PARPBP: variants seen among roughly 807,000 people sequenced by gnomAD.
PARPBP encodes PCNA-interacting partner.
In PARPBP, 52 loss-of-function variants were observed where a neutral mutation model predicts 50.0. The observed-to-expected ratio is 1.04, with a 90% confidence interval of 0.83 to 1.31. The LOEUF (loss-of-function observed/expected upper bound fraction) is 1.31, where lower values mean the gene tolerates loss of function less well. Among genes scored for constraint, PARPBP ranks in the 50% most tolerant of loss-of-function variants. The pLI, the probability that PARPBP is intolerant of heterozygous loss-of-function variation, is 0.00. For synonymous variants in PARPBP, 244 were observed against 232.1 expected (o/e 1.05, Z -0.47); for missense variants, 697 against 672.0 (o/e 1.04, Z -0.41).
rs770540632 is a variant in PARPBP, at chr12:102,197,136, A to C, written c.*845A>C. 2 of 1,612,078 alleles carry C rather than the reference A, an allele frequency of 1.2e-6. No homozygotes were observed. The highest frequency in any genetic ancestry group is 1.7e-6 in the Non-Finnish European group (2 of 1,178,558). The stretch of plus-strand genomic sequence containing the variant: ...GTTTTATAGCCAGATTCAGTGGCAG[A>C]CCATGATTTAAGAAATTATGTTTGG... On this transcript the variant is annotated 3_prime_UTR_variant, in exon 11 of 11. Coordinates refer to ENST00000327680, the MANE Select transcript of PARPBP (RefSeq NM_017915.5).
intron 3 of PARPBP, chr12:102,151,970 G>A: frequency 1.7e-6 from 1 of 593,352 alleles, no homozygotes; most frequent in Non-Finnish European, 3.0e-6. Flanking sequence ...CTTTTTTTGT[G>A]TACCATGGTT....
chr12:102,157,948 G>A (rs1033202242), intron 4 of PARPBP, among the ~76,000 whole-genome samples: 1 of 151,530 alleles, frequency 6.6e-6, no homozygotes, highest in African/African-American at 2.4e-5. Flanking sequence ...GTGAACCCTC[G>A]TCTCTACTAA....
chr12:102,120,573 T>G (rs1317186149), intron 1 of PARPBP: 3 of 451,808 alleles, frequency 6.6e-6, no homozygotes, highest in Non-Finnish European at 1.3e-5. Flanking sequence ...GCAGGAAACC[T>G]GGGTTCTAGT....
chr12:102,134,898 G>A (rs527698820), intron 2 of PARPBP, among the ~76,000 whole-genome samples: 179 of 152,190 alleles, frequency 1.2e-3, no homozygotes, highest in Non-Finnish European at 2.0e-3. Flanking sequence ...GGCTGGTCTT[G>A]AACTCCTGGG....
chr12:102,194,823 T>A (rs1174545094), intron 9 of PARPBP, among the ~76,000 whole-genome samples: 1 of 151,800 alleles, frequency 6.6e-6, no homozygotes, highest in Non-Finnish European at 1.5e-5. Flanking sequence ...TGTTTTTGAT[T>A]GACCTCACTT....
chr12:102,138,806 G>A (rs1267595275), intron 2 of PARPBP, among the ~76,000 whole-genome samples: 1 of 152,134 alleles, frequency 6.6e-6, no homozygotes, highest in Admixed American at 6.5e-5. Flanking sequence ...GTAGATGTGT[G>A]ATATTATTTC....
intron 4 of PARPBP, among the ~76,000 whole-genome samples, chr12:102,162,275 C>G (rs1344840065): frequency 3.9e-5 from 6 of 152,028 alleles, no homozygotes; most frequent in Non-Finnish European, 8.8e-5. Context: ...GAAATATTTT[C>G]TTAGCATTTA....
intron 2 of PARPBP, among the ~76,000 whole-genome samples, chr12:102,132,181 G>C (rs938795909): frequency 6.6e-6 from 1 of 151,758 alleles, no homozygotes; most frequent in African/African-American, 2.4e-5. Flanking sequence ...TTCCAGTCTG[G>C]GGGATAGCGA....
chr12:102,175,925 TA>T (rs1480709975), intron 7 of PARPBP, among the ~76,000 whole-genome samples: 1 of 152,118 alleles, frequency 6.6e-6, no homozygotes, highest in Non-Finnish European at 1.5e-5. Context: ...CTTTTAGTAC[TA>T]AAAACTTATA....
intron 2 of PARPBP, among the ~76,000 whole-genome samples, chr12:102,136,562 G>A (rs1156619425): frequency 1.3e-5 from 2 of 152,162 alleles, no homozygotes; most frequent in Non-Finnish European, 2.9e-5. Flanking sequence ...CAGTCACTCA[G>A]TGTCTCTTTC....
At chr12:102,156,150 T>C (rs1323575043) in intron 4 of PARPBP, among the ~76,000 whole-genome samples, 1 of 145,548 alleles carries the variant, frequency 6.9e-6, no homozygotes, top group Non-Finnish European at 1.5e-5. Flanking sequence ...CCATGATCAC[T>C]CATATTTGGC....
Position 102,197,240 on chromosome 12 carries a change from ATAT to A in PARPBP, c.*951_*953del. The A allele has an allele frequency of 8.1e-7, 1 of 1,228,674 alleles. No homozygotes were observed. Among genetic ancestry groups the A allele is most frequent in the Non-Finnish European group, 1.2e-6 (1 of 860,480 alleles). 76.1% of individuals were successfully genotyped at this position (1,228,674 alleles called of 1,614,324 possible). The stretch of plus-strand genomic sequence containing the variant: ...AGTGGAACTATAATACAATTGTATA[ATAT>A]TCTTGTTGATCAATTCAAAGTTACT... On this transcript the variant is annotated 3_prime_UTR_variant, in exon 11 of 11. Transcript: ENST00000327680.
intron 3 of PARPBP, chr12:102,148,666 T>G (rs1186840576): frequency 2.3e-6 from 1 of 427,538 alleles, no homozygotes; most frequent in African/African-American, 2.0e-5. Context: ...CTTGTGTTAT[T>G]GTTATTTAGT....
At chr12:102,168,744 A>G (rs1209261587) in intron 6 of PARPBP, among the ~76,000 whole-genome samples, 2 of 152,138 alleles carry the variant, frequency 1.3e-5, no homozygotes, top group Non-Finnish European at 2.9e-5. Context: ...TTAACTAGAC[A>G]TGGTGGGTGG....
chr12:102,175,775 G>T, intron 7 of PARPBP, 109 bp downstream of exon 7: 1 of 646,842 alleles, frequency 1.5e-6, no homozygotes. Flanking sequence ...TGTGTTTCCT[G>T]TGTTCTAAAA....
At chr12:102,158,882 CTG>C (rs996501944) in intron 4 of PARPBP, among the ~76,000 whole-genome samples, 3 of 152,212 alleles carry the variant, frequency 2.0e-5, no homozygotes, top group Non-Finnish European at 4.4e-5. Context: ...AAAGGAGTAT[CTG>C]TGACTAAAGA....
At chr12:102,192,327 G>C (rs1890868282) in intron 9 of PARPBP, among the ~76,000 whole-genome samples, 1 of 152,060 alleles carries the variant, frequency 6.6e-6, no homozygotes, top group South Asian at 2.1e-4. Flanking sequence ...AATTCTGTGA[G>C]GTAAATATTC....
At chr12:102,146,971 T>C (rs1182949367) in intron 2 of PARPBP, among the ~76,000 whole-genome samples, 2 of 151,984 alleles carry the variant, frequency 1.3e-5, no homozygotes, top group Non-Finnish European at 2.9e-5. Context: ...GAAAAAATGC[T>C]CACCGTCACT....
intron 2 of PARPBP, among the ~76,000 whole-genome samples, chr12:102,147,593 A>G (rs903938526): frequency 2.0e-5 from 3 of 151,406 alleles, no homozygotes; most frequent in Non-Finnish European, 2.9e-5. Context: ...GAGGGATAGC[A>G]TTAGGAGATA....
Sources: allele counts gnomAD v4.1 joint callset (sites outside exome capture counted in the v4.1 genomes callset), GRCh38; gene constraint gnomAD v4.1.1; transcripts MANE v1.5; gene names NCBI Gene and HGNC (gene_info 2026-07-23, HGNC 2026-07-21).